The following SRBD1 variants were observed in gnomAD, a reference collection of about 807,000 sequenced individuals.
SRBD1 encodes the protein S1 RNA binding domain 1, also known as S1 RNA-binding domain-containing protein 1.
Under a neutral mutation model 115.3 loss-of-function variants are expected in SRBD1, and 88 were observed. The ratio of observed to expected loss-of-function variants is 0.76; its 90% CI spans 0.64 to 0.91. The LOEUF is 0.91. Among genes scored for constraint, SRBD1 ranks in the 40% least tolerant of loss-of-function variants. The probability of loss-of-function intolerance (pLI) is 0.00; values close to 1 mark genes in which losing one functional copy is unlikely to be tolerated. For synonymous variants in SRBD1, 509 were observed against 407.7 expected, an observed-to-expected ratio of 1.25 and a Z score of -2.99; for missense variants, 1,385 against 1,177.4, an observed-to-expected ratio of 1.18 and a Z score of -2.58.
chr2:45,574,987 G>A (rs1673133963), intron 7 of SRBD1, among the ~76,000 whole-genome samples: 1 of 152,108 alleles, frequency 6.6e-6, no homozygotes. Context: ...TCGAATCCTG[G>A]TTCTACCATT....
chr2:45,503,672 A>G (rs868336553), intron 14 of SRBD1, among the ~76,000 whole-genome samples: 2 of 152,204 alleles, frequency 1.3e-5, no homozygotes, highest in African/African-American at 4.8e-5. Context: ...GTCTAATACC[A>G]TAATTAGCAA....
At chr2:45,591,845 A>T in intron 4 of SRBD1, among the ~76,000 whole-genome samples, 1 of 152,196 alleles carries the variant, frequency 6.6e-6, no homozygotes, top group East Asian at 1.9e-4. Context: ...CTGAATGCAG[A>T]CACCAGGGAG....
chr2:45,415,798 G>C (rs934682491), intron 18 of SRBD1, among the ~76,000 whole-genome samples: 1 of 122,500 alleles, frequency 8.2e-6, no homozygotes, highest in South Asian at 2.8e-4. Flanking sequence ...GGAGAGGAGA[G>C]GAGAGGAGAG....
rs111206723 is a variant in SRBD1 at position 45,415,563 on chromosome 2, G to A, written c.2334-2270C>T. The stretch of plus-strand genomic sequence containing the variant: ...ATACACATGCATATAGTCTGTATAC[G>A]TATATATAGGTTAAAAAACAAAAAT... On this transcript the variant is annotated intron_variant, in intron 18 of 20. Coordinates refer to ENST00000263736, the MANE Select transcript of SRBD1 (RefSeq NM_018079.5). Among the ~76,000 whole-genome samples the A allele has an allele frequency of 9.6e-3, 1,368 of 142,272 alleles. 22 individuals are homozygous for A. The highest frequency in any genetic ancestry group is 0.033 in the African/African-American group (1,279 of 39,084). 93.3% of individuals were successfully genotyped at this position (142,272 alleles called of 152,430 possible). A position where few individuals can be genotyped will look rare whatever the true frequency, so the allele number is the denominator to read the frequency against.
chr2:45,590,776 G>T (rs1042733342), intron 4 of SRBD1, among the ~76,000 whole-genome samples: 3 of 152,168 alleles, frequency 2.0e-5, no homozygotes, highest in African/African-American at 7.2e-5. Context: ...CAGCACTTTG[G>T]GAGGCCGAGG....
At chr2:45,533,126 A>G (rs921542345) in intron 14 of SRBD1, among the ~76,000 whole-genome samples, 8 of 152,130 alleles carry the variant, frequency 5.3e-5, no homozygotes, top group African/African-American at 1.2e-4. Flanking sequence ...GAAAATATGG[A>G]TAAGAATAGG....
Position 45,402,731 on chromosome 2 carries a change from A to G in SRBD1, c.2514-9602T>C, listed in dbSNP as rs537142751. Among the ~76,000 whole-genome samples the G allele has an allele frequency of 2.0e-5, 3 of 152,320 alleles. No individual in the cohort carries two copies. The South Asian group carries it at 6.2e-4, about 32-fold the overall frequency. ...AGCACAACCACTTTCAAGCTTAACT[A>G]TCTGGAGTGAATCAAATTCTTAATA... On this transcript the variant is annotated intron_variant, in intron 19 of 20. Transcript: ENST00000263736.
intron 9 of SRBD1, among the ~76,000 whole-genome samples, chr2:45,570,292 C>T (rs1170932577): frequency 6.6e-6 from 1 of 152,168 alleles, no homozygotes; most frequent in Admixed American, 6.5e-5. Context: ...AATTGTAGGG[C>T]TGAGATTAAA....
intron 14 of SRBD1, among the ~76,000 whole-genome samples, chr2:45,539,923 A>C (rs1325036581): frequency 1.3e-5 from 2 of 152,264 alleles, no homozygotes; most frequent in Admixed American, 1.3e-4. Flanking sequence ...CACAGATTGT[A>C]AAATGCAAAA....
intron 14 of SRBD1, among the ~76,000 whole-genome samples, chr2:45,493,070 T>C (rs1180660811): frequency 6.6e-6 from 1 of 152,214 alleles, no homozygotes; most frequent in Non-Finnish European, 1.5e-5. Flanking sequence ...ATCTTCCCCT[T>C]TTCCTTCCTT....
Position 45,585,758 on chromosome 2 carries a change from G to C in SRBD1, c.665C>G (p.Thr222Ser). 1 of 1,597,276 alleles carries C rather than the reference G, an allele frequency of 6.3e-7. No homozygotes were observed. Among genetic ancestry groups the C allele is most frequent in the Non-Finnish European group, 8.5e-7 (1 of 1,175,810 alleles). The change falls in exon 5 of 21, where the codon ACT (threonine) becomes AGT (serine). Residue 222 changes from threonine to serine, a missense_variant. By Grantham distance (58) the Thr-to-Ser change is moderately conservative. Coordinates refer to ENST00000263736, the MANE Select transcript of SRBD1 (RefSeq NM_018079.5). ...GGCACAAACCCAAGGTTCAATATTAGTTCTCTCAGATAAAACCTGCAAATT... is the reference window on the plus strand; with the variant it reads ...GGCACAAACCCAAGGTTCAATATTACTTCTCTCAGATAAAACCTGCAAATT... ...WDMVQVLSER[T>S]NIEPWVCANI... is the part of the protein sequence containing the mutation.
rs369359361 is a variant in SRBD1 at position 45,593,277 on chromosome 2, G to A, written c.648+6172C>T. Reference sequence around the variant, plus strand: ...CCATTTTATAAATGCAAAAACTGAGGGCCGAAAAAGTAAACTGCCCAAAAT... The same window carrying A: ...CCATTTTATAAATGCAAAAACTGAGAGCCGAAAAAGTAAACTGCCCAAAAT... On this transcript the variant is annotated intron_variant, in intron 4 of 20. Transcript: ENST00000263736. Among the ~76,000 whole-genome samples, 44 of 152,050 alleles carry A rather than the reference G, an allele frequency of 2.9e-4. 1 individual carries two copies. The East Asian group carries it at 5.2e-3, about 18-fold the overall frequency.
In SRBD1 at chr2:45,601,948, T is replaced by C. The variant is rs1253151418; in HGVS notation, c.216A>G (p.Pro72=). The change falls in exon 3 of 21, where the codon CCA becomes CCG. Residue 72 remains proline (P), a synonymous_variant. Coordinates refer to ENST00000263736, the MANE Select transcript of SRBD1 (RefSeq NM_018079.5). ...KRMPRVKKNA[P]QISDGSEVVV... ...CGACTTCTGAGCCATCACTGATCTG[T>C]GGGGCATTCTTCTTCACCCGAGGCA... is the stretch of plus-strand genomic sequence containing the variant. 3.1e-6 allele frequency: 5 copies of C among 1,614,084 alleles called. No individual in the cohort carries two copies. In the Admixed American group the frequency reaches 8.3e-5, roughly 27 times the overall value.
intron 16 of SRBD1, among the ~76,000 whole-genome samples, chr2:45,435,445 T>C (rs945964814): frequency 6.6e-6 from 1 of 151,658 alleles, no homozygotes; most frequent in African/African-American, 2.4e-5. Flanking sequence ...TCAGAGAGAA[T>C]GAAGCTCTGA....
intron 5 of SRBD1, among the ~76,000 whole-genome samples, chr2:45,583,036 C>T (rs1024731752): frequency 1.3e-5 from 2 of 152,142 alleles, no homozygotes; most frequent in East Asian, 1.9e-4. Flanking sequence ...AACAGGTTTT[C>T]ACTGTGAATA....
intron 5 of SRBD1, 55 bp downstream of exon 5, chr2:45,585,553 T>A (rs1673491921): frequency 6.5e-7 from 1 of 1,539,098 alleles, no homozygotes; most frequent in African/African-American, 1.4e-5. Flanking sequence ...TTTCTCACTG[T>A]TCCTCATTGG....
At chr2:45,523,743 C>T (rs118159098) in intron 14 of SRBD1, among the ~76,000 whole-genome samples, 6,009 of 151,472 alleles carry the variant, frequency 0.04, 203 homozygotes, top group East Asian at 0.12. Flanking sequence ...CTGAATTCTA[C>T]CAAACATTTA....
At chr2:45,546,916 C>T in intron 13 of SRBD1, 77 bp from the exon 14 acceptor site, 1 of 1,287,972 alleles carries the variant, frequency 7.8e-7, no homozygotes, top group Non-Finnish European at 1.1e-6. Context: ...GTACAGAATG[C>T]ACAAATACTA....
rs375672397 is a variant in SRBD1 at position 45,605,470 on chromosome 2, A to T, written c.1-29T>A. 6 of 1,586,476 alleles carry T rather than the reference A, an allele frequency of 3.8e-6. No homozygotes were observed. The African/African-American group carries it at 8.1e-5, about 21-fold the overall frequency. ...GAAGAAACAGAAAATAAAATCAGCA[A>T]CACTTGAATATTCTTATCACTTTAT... On this transcript the variant is annotated intron_variant, in intron 1 of 20. Transcript: ENST00000263736.
Sources: gnomAD v4.1 joint callset for allele counts (sites outside exome capture counted in the v4.1 genomes callset) on GRCh38, gnomAD v4.1.1 for gene constraint, MANE v1.5 for transcripts, NCBI Gene and HGNC (gene_info 2026-07-23, HGNC 2026-07-21) for gene names.